The following CHRNB4 variants were observed in gnomAD, a reference collection of about 807,000 sequenced individuals.
CHRNB4 encodes cholinergic receptor nicotinic beta 4 subunit.
A neutral mutation model predicts 40.4 loss-of-function variants in CHRNB4; 23 were observed. That is an observed-to-expected ratio of 0.57 (90% CI 0.41 to 0.81). The LOEUF is 0.81. Among genes scored for constraint, CHRNB4 ranks in the 30% least tolerant of loss-of-function variants. The probability of loss-of-function intolerance (pLI) is 0.00; values close to 1 mark genes in which losing one functional copy is unlikely to be tolerated. For missense variants in CHRNB4, 568 were observed against 670.6 expected, an observed-to-expected ratio of 0.85 and a Z score of 1.69; for synonymous variants, 285 against 274.4, an observed-to-expected ratio of 1.04 and a Z score of -0.38.
At chr15:78,633,036 C>T (rs1430015227) in intron 2 of CHRNB4, among the ~76,000 whole-genome samples, 1 of 152,208 alleles carries the variant, frequency 6.6e-6, no homozygotes, top group Non-Finnish European at 1.5e-5. Flanking sequence ...GTCTACGGGG[C>T]CTTGCCAGGT....
At chr15:78,641,850 A>G (rs1475715417), upstream of CHRNB4, among the ~76,000 whole-genome samples, 2 of 152,176 alleles carry the variant, frequency 1.3e-5, no homozygotes, top group African/African-American at 4.8e-5. Flanking sequence ...CAGGTGATTC[A>G]AGCACATCCC....
Position 78,632,162 on chromosome 15 carries a change from CTTTTCT to C in CHRNB4, c.205-836_205-831del, listed in dbSNP as rs1242354056. Among the ~76,000 whole-genome samples, 118 of 142,288 alleles carry C rather than the reference CTTTTCT, an allele frequency of 8.3e-4. 1 individual carries two copies. Among genetic ancestry groups the C allele is most frequent in the African/African-American group, 3.1e-3 (115 of 37,260 alleles). The allele number at this position is 142,288 out of a possible 152,430, so 93.3% of individuals were successfully genotyped here. A position where few individuals can be genotyped will look rare whatever the true frequency, so the allele number is the denominator to read the frequency against. On this transcript the variant is annotated intron_variant, in intron 2 of 5. Transcript: ENST00000261751. ...CTTTCTTTCTTTCTGTCTTTCTTTT[CTTTTCT>C]TTCTCTTTCTTTCTTTCTTTCTTTC...
At chr15:78,645,298 G>A (rs542163352), upstream of CHRNB4, among the ~76,000 whole-genome samples, 151 of 152,136 alleles carry the variant, frequency 9.9e-4, no homozygotes, top group Middle Eastern at 3.4e-3. Flanking sequence ...CACAAATAAA[G>A]CTCTTGCCCA....
chr15:78,638,604 C>T (rs1024053469), intron 1 of CHRNB4, among the ~76,000 whole-genome samples: 19 of 145,078 alleles, frequency 1.3e-4, no homozygotes, highest in Non-Finnish European at 2.6e-4. Context: ...TGTGTTTGTA[C>T]TTGTGAGTGT....
Position 78,631,109 on chromosome 15 carries a change from C to G in CHRNB4, c.326G>C (p.Arg109Pro). Residue 109 changes from arginine to proline, a missense_variant, in exon 4 of 6, where the codon CGC becomes CCC. Physicochemically the swap from Arg to Pro is moderately radical, Grantham distance 103. Transcript: ENST00000261751. The part of the protein sequence containing the change: ...GVNILRIPAK[R>P]IWLPDIVLYN... ...AAGCACGATGTCAGGCAACCAGATG[C>G]GCTTTGCAGGGATCCTCAGGATGTT... The G allele has an allele frequency of 6.2e-7, 1 of 1,614,192 alleles. No individual in the cohort carries two copies.
chr15:78,630,993 G>T lies in CHRNB4; in HGVS notation c.359+83C>A, dbSNP rs960029752. ...AAAGCAGAGATGGGGCTCAGGGTTGGACTCAGGCCTGGATGACTCTTAGGG... is the reference window on the plus strand; with the variant it reads ...AAAGCAGAGATGGGGCTCAGGGTTGTACTCAGGCCTGGATGACTCTTAGGG... On this transcript the variant is annotated intron_variant, in intron 4 of 5. Transcript: ENST00000261751. 34 of 1,060,868 alleles carry T rather than the reference G, an allele frequency of 3.2e-5. No individual in the cohort carries two copies. In the East Asian group the frequency reaches 7.9e-4, roughly 24 times the overall value. 65.7% of individuals were successfully genotyped at this position (1,060,868 alleles called of 1,614,324 possible). A position where few individuals can be genotyped will look rare whatever the true frequency, so the allele number is the denominator to read the frequency against.
chr15:78,632,174 TTTC>T (rs1427166446), intron 2 of CHRNB4, among the ~76,000 whole-genome samples: 16 of 3,972 alleles, frequency 4.0e-3, no homozygotes, highest in Admixed American at 0.014. Context: ...TTTCTTTCTC[TTTC>T]TTTCTTTCTT....
intron 2 of CHRNB4, among the ~76,000 whole-genome samples, chr15:78,633,074 T>A (rs577869638): frequency 6.6e-6 from 1 of 152,304 alleles, no homozygotes; most frequent in East Asian, 1.9e-4. Context: ...CCTCCCTATG[T>A]CCCTCTGTTC....
upstream of CHRNB4, chr15:78,661,058 G>A (rs1055908507): frequency 5.1e-6 from 3 of 592,472 alleles, no homozygotes; most frequent in South Asian, 2.7e-5. Context: ...TTGTAGTCTC[G>A]GCTGGCCCTT....
At chr15:78,658,028 CTTTTT>C (rs71448810) in intron 2 of CHRNB4, among the ~76,000 whole-genome samples, 28 of 90,544 alleles carry the variant, frequency 3.1e-4, no homozygotes, top group East Asian at 2.8e-3. Flanking sequence ...TCTTGTTTCT[CTTTTT>C]TTTTTTTTTT....
chr15:78,641,877 T>C (rs1194680560), upstream of CHRNB4, among the ~76,000 whole-genome samples: 1 of 152,154 alleles, frequency 6.6e-6, no homozygotes, highest in East Asian at 1.9e-4. Flanking sequence ...AGCCAGGGTG[T>C]CCTTGACGCG....
Position 78,629,852 on chromosome 15 carries a change from G to A in CHRNB4, c.453C>T (p.Ser151=), listed in dbSNP as rs55919125. The A allele has an allele frequency of 0.043, 69,349 of 1,613,942 alleles. 1,633 individuals are homozygous for A. The highest frequency in any genetic ancestry group is 0.049 in the Non-Finnish European group (57,611 of 1,180,008). The stretch of plus-strand genomic sequence containing the variant: ...AGTACTTCACCTCAATCTTGCAGGC[G>A]CTCTTGTAGATGGCAGGGGGCAGCC... The part of the protein sequence containing the change: ...VLWLPPAIYK[S]ACKIEVKYFP... The change falls in exon 5 of 6, where the codon AGC becomes AGT. Residue 151 remains serine (S), a synonymous_variant. Transcript: ENST00000261751. The surrounding 1 kb of genome is among the most constrained non-coding windows in gnomAD (Gnocchi z 6.8).
chr15:78,655,664 C>T, intron 4 of CHRNB4: 1 of 151,846 alleles, frequency 6.6e-6, no homozygotes, highest in Admixed American at 6.6e-5. Flanking sequence ...GAGCGAGACC[C>T]TGTTTCAAAA....
chr15:78,634,196 C>T (rs879684792), intron 2 of CHRNB4, among the ~76,000 whole-genome samples: 2 of 152,168 alleles, frequency 1.3e-5, no homozygotes, highest in East Asian at 1.9e-4. Flanking sequence ...TGGCCGCATC[C>T]CCTCCTCCTT....
chr15:78,635,914 C>T (rs1054655443), intron 1 of CHRNB4, among the ~76,000 whole-genome samples: 7 of 151,816 alleles, frequency 4.6e-5, no homozygotes, highest in Admixed American at 4.6e-4. Context: ...TTAGTCCTGT[C>T]TTTTTTTGTA....
chr15:78,661,105 C>T (rs2054249114), upstream of CHRNB4: 3 of 609,672 alleles, frequency 4.9e-6, no homozygotes, highest in Admixed American at 1.9e-5. Context: ...GCCCTTGGAG[C>T]GGACGTAGGC....
chr15:78,653,447 T>C (rs1341178516), intron 5 of CHRNB4, among the ~76,000 whole-genome samples: 2 of 152,196 alleles, frequency 1.3e-5, no homozygotes, highest in Non-Finnish European at 2.9e-5. Flanking sequence ...TACTCCATAT[T>C]TGATTCTCCA....
At chr15:78,658,028 CTTTTTTTTTTTTTT>C (rs71448810) in intron 2 of CHRNB4, among the ~76,000 whole-genome samples, 36 of 90,546 alleles carry the variant, frequency 4.0e-4, no homozygotes, top group African/African-American at 1.5e-3. Context: ...TCTTGTTTCT[CTTTTTTTTTTTTTT>C]TTTTTTTTGA....
chr15:78,657,022 TTTTTC>T (rs1186722726), intron 3 of CHRNB4, among the ~76,000 whole-genome samples: 3 of 148,970 alleles, frequency 2.0e-5, no homozygotes, highest in Admixed American at 7.0e-5. Context: ...CCTCCAATTG[TTTTTC>T]TTTTCTTCTT....
Sources: gnomAD v4.1 joint callset for allele counts (sites outside exome capture counted in the v4.1 genomes callset) on GRCh38, gnomAD v4.1.1 for gene constraint, Gnocchi (gnomAD v3.1) non-coding constraint, MANE v1.5 for transcripts, NCBI Gene and HGNC (gene_info 2026-07-23, HGNC 2026-07-21) for gene names.